Variants in CLIP1 observed in about 807,000 individuals in gnomAD.
CLIP1 encodes CAP-Gly domain-containing linker protein 1.
A neutral mutation model predicts 161.6 loss-of-function variants in CLIP1; 66 were observed. That is an observed-to-expected ratio of 0.41 (90% confidence interval 0.33 to 0.50). The LOEUF (loss-of-function observed/expected upper bound fraction) is 0.50. CLIP1 is among the 20% of genes least tolerant of loss of function. The pLI is 0.27. For synonymous variants in CLIP1, 598 were observed against 626.2 expected, an observed-to-expected ratio of 0.96 and a Z score of 0.67; for missense variants, 1,376 against 1,702.0, an observed-to-expected ratio of 0.81 and a Z score of 3.37.
rs1473509788 is a variant in CLIP1, at chr12:122,311,833, C to A, written c.3474-1951G>T. ...ATGTTTTAATGAGAAGACTGAAGCT[C>A]CGGGAAGTAAACAGATTTGCCCCAA... On this transcript the variant is annotated intron_variant, in intron 19 of 25. Transcript: ENST00000620786. The surrounding 1 kb of genome is among the most constrained non-coding windows in gnomAD (Gnocchi z 4.3). 6.6e-6 allele frequency among the ~76,000 whole-genome samples: 1 copy of A among 152,132 alleles called. No individual in the cohort carries two copies. The highest frequency in any genetic ancestry group is 1.5e-5 in the Non-Finnish European group (1 of 68,034).
chr12:122,402,829 A>G (rs1272266229), intron 1 of CLIP1, among the ~76,000 whole-genome samples: 7 of 152,230 alleles, frequency 4.6e-5, no homozygotes, highest in Admixed American at 4.6e-4. Context: ...CGTCTCTAAC[A>G]ACAACAAATG....
intron 20 of CLIP1, among the ~76,000 whole-genome samples, chr12:122,298,977 C>T (rs956186473): frequency 6.6e-6 from 1 of 152,108 alleles, no homozygotes; most frequent in Non-Finnish European, 1.5e-5. Context: ...AGAATGATAT[C>T]AATGGTGTGG....
chr12:122,414,165 G>A (rs1956644294), intron 1 of CLIP1, among the ~76,000 whole-genome samples: 1 of 152,000 alleles, frequency 6.6e-6, no homozygotes, highest in Non-Finnish European at 1.5e-5. Flanking sequence ...TTGAGACAGG[G>A]TCTCACTCTG....
chr12:122,333,711 C>T (rs1013928343), intron 14 of CLIP1, among the ~76,000 whole-genome samples: 13 of 152,136 alleles, frequency 8.5e-5, no homozygotes, highest in African/African-American at 2.9e-4. Context: ...AGACCGAAGC[C>T]GGCACAGGCA....
intron 17 of CLIP1, 34 bp from the exon 18 acceptor site, chr12:122,319,382 C>A: frequency 6.7e-7 from 1 of 1,503,630 alleles, no homozygotes; most frequent in Non-Finnish European, 9.3e-7. Context: ...GAAATGAGGA[C>A]AGCCCTCGCC....
Position 122,367,344 on chromosome 12 carries a change from T to C in CLIP1, c.658-3237A>G, listed in dbSNP as rs143894227. 1.2e-3 allele frequency among the ~76,000 whole-genome samples: 187 copies of C among 152,354 alleles called. 1 individual carries two copies. The highest frequency in any genetic ancestry group is 4.2e-3 in the African/African-American group (173 of 41,588). ...GTTCCTAGAACAAAAAGTTTTCTTATATTCTTTCTCCCACCAAACATGGAA... is the reference window on the plus strand; with the variant it reads ...GTTCCTAGAACAAAAAGTTTTCTTACATTCTTTCTCCCACCAAACATGGAA... On this transcript the variant is annotated intron_variant, in intron 3 of 25. Coordinates refer to ENST00000620786, the MANE Select transcript of CLIP1 (RefSeq NM_001247997.2).
intron 20 of CLIP1, among the ~76,000 whole-genome samples, chr12:122,294,039 A>T (rs1950367652): frequency 6.6e-6 from 1 of 151,942 alleles, no homozygotes; most frequent in Non-Finnish European, 1.5e-5. Flanking sequence ...TCACGAATTC[A>T]AAACAACTTT....
At position 122,289,799 on chromosome 12, in the gene CLIP1, G is replaced by A. The variant is rs201988043; in HGVS notation, c.3595-1258C>T. 5.0e-4 allele frequency among the ~76,000 whole-genome samples: 71 copies of A among 141,632 alleles called. No homozygotes were observed. The East Asian group carries it at 0.013, about 27-fold the overall frequency. The allele number at this position is 141,632 out of a possible 152,430, so 92.9% of individuals were successfully genotyped here. A position where few individuals can be genotyped will look rare whatever the true frequency, so the allele number is the denominator to read the frequency against. ...AATACCACCAGTTTCAACTCACACT[G>A]TTAATGTTTTTTTTTTTTTTTCTTT... On this transcript the variant is annotated intron_variant, in intron 20 of 25. Transcript: ENST00000620786.
At chr12:122,298,927 C>T (rs2136395208) in intron 20 of CLIP1, among the ~76,000 whole-genome samples, 1 of 152,286 alleles carries the variant, frequency 6.6e-6, no homozygotes, top group Admixed American at 6.5e-5. Context: ...TGCACTCCAG[C>T]CTGGCAACAG....
intron 20 of CLIP1, 50 bp from the exon 21 acceptor site, chr12:122,288,591 G>A (rs1189275782): frequency 6.6e-7 from 1 of 1,520,650 alleles, no homozygotes; most frequent in South Asian, 1.1e-5. Flanking sequence ...CCACAGAAAG[G>A]CATATTTCTC....
chr12:122,383,679 T>C (rs1955110969), intron 1 of CLIP1, among the ~76,000 whole-genome samples: 1 of 152,196 alleles, frequency 6.6e-6, no homozygotes, highest in Non-Finnish European at 1.5e-5. Flanking sequence ...TTTTCATGCA[T>C]TATTAATGAC....
chr12:122,390,501 G>A (rs1486930207), intron 1 of CLIP1, among the ~76,000 whole-genome samples: 4 of 151,038 alleles, frequency 2.6e-5, no homozygotes, highest in Non-Finnish European at 4.4e-5. Flanking sequence ...TAGTAGAGAT[G>A]GAGTTTGGAC....
chr12:122,277,953 A>G, intron 24 of CLIP1: 1 of 598,196 alleles, frequency 1.7e-6, no homozygotes, highest in South Asian at 2.1e-5. Flanking sequence ...TTGGGAACTG[A>G]GCAGAAGAGA....
intron 24 of CLIP1, chr12:122,275,608 C>A: frequency 6.7e-6 from 1 of 148,166 alleles, no homozygotes; most frequent in African/African-American, 2.5e-5. Flanking sequence ...AAGACTCCAT[C>A]TCAAAAAAGA....
intron 20 of CLIP1, among the ~76,000 whole-genome samples, chr12:122,292,726 G>A (rs1422331852): frequency 6.6e-6 from 1 of 152,086 alleles, no homozygotes; most frequent in East Asian, 1.9e-4. Flanking sequence ...AAAGATGGCC[G>A]GGCACGGTGG....
At chr12:122,293,549 G>T (rs967624988) in intron 20 of CLIP1, among the ~76,000 whole-genome samples, 2 of 151,940 alleles carry the variant, frequency 1.3e-5, no homozygotes, top group Non-Finnish European at 2.9e-5. Flanking sequence ...CGCAATCTCG[G>T]CTCACTGCAA....
At chr12:122,422,359 G>T (rs1956980979) in intron 1 of CLIP1, among the ~76,000 whole-genome samples, 162 bp downstream of exon 1, 1 of 151,786 alleles carries the variant, frequency 6.6e-6, no homozygotes, top group African/African-American at 2.4e-5. Flanking sequence ...AGACTCCCGC[G>T]GTCCCCTCCC....
At position 122,320,223 on chromosome 12, in the gene CLIP1, C is replaced by G. The variant is rs1593058323; in HGVS notation, c.3250-875G>C. ...CGGAGGTTGCAGTGAGCTGAGATTG[C>G]GCCACTGCACTCCAGCCTGGCGACA... On this transcript the variant is annotated intron_variant, in intron 17 of 25. Transcript: ENST00000620786. 6.7e-5 allele frequency among the ~76,000 whole-genome samples: 10 copies of G among 149,436 alleles called. No homozygotes were observed. In the South Asian group the frequency reaches 2.1e-3, roughly 32 times the overall value.
chr12:122,287,136 T>G (rs1406243439), intron 21 of CLIP1, among the ~76,000 whole-genome samples: 1 of 151,840 alleles, frequency 6.6e-6, no homozygotes, highest in African/African-American at 2.4e-5. Flanking sequence ...ATTGAGCCAT[T>G]GCACTCCAAC....
Sources: allele counts gnomAD v4.1 joint callset (sites outside exome capture counted in the v4.1 genomes callset), GRCh38; gene constraint gnomAD v4.1.1; non-coding constraint Gnocchi (gnomAD v3.1); transcripts MANE v1.5; gene names NCBI Gene and HGNC (gene_info 2026-07-23, HGNC 2026-07-21).